APBA2: variants seen among roughly 807,000 people sequenced by gnomAD.
The protein encoded by APBA2 is amyloid-beta A4 precursor protein-binding family A member 2.
Under a neutral mutation model 75.0 loss-of-function variants are expected in APBA2, and 30 were observed. The ratio of observed to expected loss-of-function variants is 0.40; its 90% CI spans 0.30 to 0.54. The LOEUF is 0.54. Among genes scored for constraint, APBA2 ranks in the 20% least tolerant of loss-of-function variants. The pLI is 0.49. For synonymous variants in APBA2, 444 were observed against 409.6 expected, an observed-to-expected ratio of 1.08 and a Z score of -1.01; for missense variants, 801 against 1,016.1, an observed-to-expected ratio of 0.79 and a Z score of 2.88.
At chr15:29,090,106 G>A (rs897778327) in intron 6 of APBA2, among the ~76,000 whole-genome samples, 1 of 152,200 alleles carries the variant, frequency 6.6e-6, no homozygotes, top group African/African-American at 2.4e-5. Context: ...GTGCGTGTGA[G>A]TGGGAGGCAG....
At chr15:29,052,368 T>C (rs2041636388) in intron 3 of APBA2, among the ~76,000 whole-genome samples, 1 of 146,646 alleles carries the variant, frequency 6.8e-6, no homozygotes. Context: ...GGCAGGAGAA[T>C]GGTGTGAACC....
At chr15:29,022,558 TC>T (rs1335141191) in intron 3 of APBA2, among the ~76,000 whole-genome samples, 3 of 152,054 alleles carry the variant, frequency 2.0e-5, no homozygotes, top group Non-Finnish European at 4.4e-5. Context: ...TATAACCCAT[TC>T]CCCCCACCAG....
intron 3 of APBA2, among the ~76,000 whole-genome samples, chr15:29,030,303 C>A (rs999171224): frequency 3.3e-5 from 5 of 151,782 alleles, no homozygotes; most frequent in Non-Finnish European, 7.4e-5. Context: ...ACTAAAAATA[C>A]TTAAAAAAAT....
intron 10 of APBA2, among the ~76,000 whole-genome samples, chr15:29,105,133 G>T: frequency 6.6e-6 from 1 of 152,240 alleles, no homozygotes; most frequent in East Asian, 1.9e-4. Context: ...GGGACAGTCA[G>T]GAGTAGACCC....
In APBA2 at chr15:29,117,169, G is replaced by T. The variant is rs768858056; in HGVS notation, c.*36G>T. The T allele has an allele frequency of 6.2e-7, 1 of 1,605,830 alleles. No individual in the cohort carries two copies. The highest frequency in any genetic ancestry group is 8.5e-7 in the Non-Finnish European group (1 of 1,173,808). Reference sequence around the variant, plus strand: ...CCTGGCCACGCAGCCAGGACACCGGGCAGGGCCGCCCGGGCCCAGAGGAGC... The same window carrying T: ...CCTGGCCACGCAGCCAGGACACCGGTCAGGGCCGCCCGGGCCCAGAGGAGC... On this transcript the variant is annotated 3_prime_UTR_variant, in exon 15 of 15. Transcript: ENST00000683413.
At chr15:28,995,463 C>G (rs1392085774) in intron 2 of APBA2, among the ~76,000 whole-genome samples, 1 of 152,190 alleles carries the variant, frequency 6.6e-6, no homozygotes, top group East Asian at 1.9e-4. Context: ...TGAGGAGCCT[C>G]ATTAAAATGC....
intron 14 of APBA2, among the ~76,000 whole-genome samples, chr15:29,114,982 T>C (rs2044999317): frequency 6.7e-6 from 1 of 149,868 alleles, no homozygotes; most frequent in Non-Finnish European, 1.5e-5. Flanking sequence ...GCATGGGGTG[T>C]GAGGAGAGTG....
In APBA2 at chr15:29,071,844, A is replaced by G. The variant is rs556985863; in HGVS notation, c.952-3077A>G. Among the ~76,000 whole-genome samples the G allele has an allele frequency of 3.4e-4, 51 of 151,998 alleles. No homozygotes were observed. The South Asian group carries it at 6.4e-3, about 19-fold the overall frequency. On this transcript the variant is annotated intron_variant, in intron 4 of 14. Coordinates refer to ENST00000683413, the MANE Select transcript of APBA2 (RefSeq NM_001353788.2). ...GGAGGGAGATAGAGGAAACGCTGTT[A>G]TGGAGGAAAGGTCACCCCTAGAGAC...
chr15:28,921,375 C>T (rs2033961426), intron 1 of APBA2, among the ~76,000 whole-genome samples: 1 of 152,196 alleles, frequency 6.6e-6, no homozygotes, highest in South Asian at 2.1e-4. Flanking sequence ...ACTCACTGAC[C>T]TTTGGAAATA....
rs994273890 is a variant in APBA2 at position 29,026,583 on chromosome 15, T to C, written c.-40-27262T>C. ...TCTTCTGTAAAGAAGAGATTTTCCT[T>C]ATCACCTGGAGCTGTTAGACCACCC... On this transcript the variant is annotated intron_variant, in intron 3 of 14. Transcript: ENST00000683413. 5.0e-4 allele frequency among the ~76,000 whole-genome samples: 76 copies of C among 152,182 alleles called. 3 individuals carry two copies. Among genetic ancestry groups the C allele is most frequent in the Non-Finnish European group, 1.5e-5 (1 of 68,022 alleles).
intron 4 of APBA2, among the ~76,000 whole-genome samples, chr15:29,062,562 A>G (rs2042176347): frequency 6.6e-6 from 1 of 152,152 alleles, no homozygotes; most frequent in South Asian, 2.1e-4. Context: ...ACATGTCACC[A>G]TGGGTGGCTG....
intron 13 of APBA2, among the ~76,000 whole-genome samples, chr15:29,110,907 C>T (rs950398949): frequency 1.3e-5 from 2 of 152,036 alleles, no homozygotes; most frequent in African/African-American, 2.4e-5. Context: ...GACCAGGGCT[C>T]GCTCCAGCTG....
Position 29,086,795 on chromosome 15 carries a change from TA to T in APBA2, c.1070-6279del, listed in dbSNP as rs2043310054. On this transcript the variant is annotated intron_variant, in intron 6 of 14. Transcript: ENST00000683413. ...TCATTGGTTTCATTTTTCTCTTAGT[TA>T]TTTGGACTTTGCTTTTTCCATTTAA... Among the ~76,000 whole-genome samples, 3 of 152,364 alleles carry T rather than the reference TA, an allele frequency of 2.0e-5. No individual in the cohort carries two copies. In the South Asian group the frequency reaches 6.2e-4, roughly 32 times the overall value.
intron 2 of APBA2, among the ~76,000 whole-genome samples, chr15:28,940,388 T>C (rs1482059165): frequency 2.7e-5 from 1 of 36,546 alleles, no homozygotes; most frequent in Admixed American, 2.8e-4. Context: ...AAAAAAAAAA[T>C]AGCGGGGCGT....
At chr15:29,083,873 G>A (rs1195344606) in intron 6 of APBA2, among the ~76,000 whole-genome samples, 1 of 152,162 alleles carries the variant, frequency 6.6e-6, no homozygotes, top group African/African-American at 2.4e-5. Flanking sequence ...CATGCTTAAA[G>A]TCTGTCCATT....
At chr15:28,945,042 C>A (rs1225972452) in intron 2 of APBA2, among the ~76,000 whole-genome samples, 1 of 152,208 alleles carries the variant, frequency 6.6e-6, no homozygotes, top group African/African-American at 2.4e-5. Context: ...CTTCCTTGTT[C>A]ATGGGGAGCC....
chr15:29,023,487 G>C (rs2040058049), intron 3 of APBA2, among the ~76,000 whole-genome samples: 1 of 93,694 alleles, frequency 1.1e-5, no homozygotes, highest in African/African-American at 3.8e-5. Flanking sequence ...ACAGAGTCTT[G>C]CTCTGTTGCC....
intron 2 of APBA2, among the ~76,000 whole-genome samples, chr15:28,951,014 C>T (rs1339418728): frequency 1.3e-5 from 2 of 152,094 alleles, no homozygotes; most frequent in African/African-American, 2.4e-5. Context: ...GTCAGTTGGC[C>T]ATATCCGTGA....
chr15:28,903,125 G>A (rs144494831), intron 1 of APBA2, among the ~76,000 whole-genome samples: 5,743 of 152,222 alleles, frequency 0.038, 326 homozygotes, highest in African/African-American at 0.12. Context: ...GGTTCCATGG[G>A]TCTGATGATG....
Sources: allele counts gnomAD v4.1 joint callset (sites outside exome capture counted in the v4.1 genomes callset), GRCh38; gene constraint gnomAD v4.1.1; transcripts MANE v1.5; gene names NCBI Gene and HGNC (gene_info 2026-07-23, HGNC 2026-07-21).